The following FRMPD4 variants were observed in gnomAD, a reference collection of about 807,000 sequenced individuals.
The protein encoded by FRMPD4 is FERM and PDZ domain-containing protein 4.
A neutral mutation model predicts 94.1 loss-of-function variants in FRMPD4; 22 were observed. The observed-to-expected ratio is 0.23, with a 90% CI of 0.17 to 0.33. FRMPD4 has a LOEUF of 0.33. FRMPD4 is among the 10% of genes least tolerant of loss of function. The pLI is 1.00. For missense variants in FRMPD4, 1,111 were observed against 1,339.9 expected (o/e 0.83, Z 2.67); for synonymous variants, 631 against 548.6 (o/e 1.15, Z -2.10).
chrX:12,254,598 T>C (rs1490053305), intron 1 of FRMPD4, among the ~76,000 whole-genome samples: 1 of 112,220 alleles, frequency 8.9e-6, no homozygotes, highest in Non-Finnish European at 1.9e-5. Flanking sequence ...ATTGAATTTG[T>C]TCACTAGACT....
At chrX:11,847,458 G>A (rs951978326) in intron 1 of FRMPD4, among the ~76,000 whole-genome samples, 1 of 107,552 alleles carries the variant, frequency 9.3e-6, no homozygotes, top group Non-Finnish European at 1.9e-5. Flanking sequence ...TTCAACCATT[G>A]TGGAAGTCAG....
At chrX:11,951,686 C>T (rs1356676130) in intron 3 of FRMPD4, among the ~76,000 whole-genome samples, 1 of 111,588 alleles carries the variant, frequency 9.0e-6, no homozygotes, top group African/African-American at 3.3e-5. Flanking sequence ...TACAACAAAC[C>T]CCCATGACAC....
intron 4 of FRMPD4, among the ~76,000 whole-genome samples, chrX:12,657,836 T>G (rs1293113224): frequency 8.9e-6 from 1 of 112,690 alleles, no homozygotes; most frequent in Non-Finnish European, 1.9e-5. Context: ...CTGCAGGTTC[T>G]TAAATTTAAG....
intron 3 of FRMPD4, among the ~76,000 whole-genome samples, chrX:11,974,297 G>A (rs1414026807): frequency 1.8e-5 from 2 of 110,574 alleles, no homozygotes; most frequent in African/African-American, 3.3e-5. Context: ...GTTAGTTCCC[G>A]TGAGAGCTGG....
chrX:12,545,142 T>C (rs2058460953), intron 2 of FRMPD4, among the ~76,000 whole-genome samples: 1 of 112,211 alleles, frequency 8.9e-6, no homozygotes, highest in South Asian at 3.7e-4. Context: ...TGCAGAATTT[T>C]GTTGATTCTA....
chrX:12,514,319 G>A (rs2058074326), intron 2 of FRMPD4, among the ~76,000 whole-genome samples: 1 of 111,649 alleles, frequency 9.0e-6, no homozygotes, highest in Non-Finnish European at 1.9e-5. Flanking sequence ...AATGCATCCA[G>A]CTTTGGCCCA....
chrX:12,675,371 A>C (rs1216560822), intron 5 of FRMPD4, among the ~76,000 whole-genome samples: 3 of 105,872 alleles, frequency 2.8e-5, no homozygotes, highest in Non-Finnish European at 1.9e-5. Context: ...GATTTCAGCT[A>C]TCATGGTTAG....
chrX:12,196,832 G>A (rs2056573299), intron 1 of FRMPD4, among the ~76,000 whole-genome samples: 1 of 109,829 alleles, frequency 9.1e-6, no homozygotes, highest in Non-Finnish European at 1.9e-5. Context: ...AAAATCAGCA[G>A]ACATTTGACT....
At chrX:12,333,227 T>G (rs1233508602) in intron 1 of FRMPD4, among the ~76,000 whole-genome samples, 2 of 112,167 alleles carry the variant, frequency 1.8e-5, no homozygotes, top group African/African-American at 6.5e-5. Flanking sequence ...TTTTCAAAAT[T>G]TATTATGGAC....
At chrX:12,374,446 G>T (rs2056205515) in intron 1 of FRMPD4, among the ~76,000 whole-genome samples, 1 of 112,052 alleles carries the variant, frequency 8.9e-6, no homozygotes, top group South Asian at 3.7e-4. Flanking sequence ...GCCCCTCACT[G>T]CCTGGCCAGC....
chrX:11,849,795 C>G (rs981122124), intron 1 of FRMPD4, among the ~76,000 whole-genome samples: 7 of 110,288 alleles, frequency 6.3e-5, no homozygotes, highest in African/African-American at 2.3e-4. Flanking sequence ...GATCAAAAGC[C>G]TAAACATATG....
At chrX:12,377,173 C>T (rs2056250825) in intron 1 of FRMPD4, among the ~76,000 whole-genome samples, 1 of 112,519 alleles carries the variant, frequency 8.9e-6, no homozygotes, top group African/African-American at 3.2e-5. Flanking sequence ...CATATATAGC[C>T]ATGCAAATTT....
At chrX:12,604,640 A>T (rs73446822) in intron 2 of FRMPD4, among the ~76,000 whole-genome samples, 10,206 of 112,188 alleles carry the variant, frequency 0.091, 1,156 homozygotes, top group African/African-American at 0.32. Context: ...TCTCCAGAGA[A>T]GAAAATAACA....
intron 1 of FRMPD4, among the ~76,000 whole-genome samples, chrX:12,313,034 G>A (rs2055059966): frequency 9.0e-6 from 1 of 111,454 alleles, no homozygotes; most frequent in African/African-American, 3.3e-5. Context: ...AAAGAAGGAG[G>A]AAAAACAAGG....
At chrX:12,560,378 G>A (rs892556636) in intron 2 of FRMPD4, among the ~76,000 whole-genome samples, 1 of 108,599 alleles carries the variant, frequency 9.2e-6, no homozygotes, top group African/African-American at 3.4e-5. Flanking sequence ...AGTTGCCTGA[G>A]GGCCTTTATA....
chrX:11,982,003 A>G (rs1343624138), intron 3 of FRMPD4, among the ~76,000 whole-genome samples: 1 of 111,769 alleles, frequency 8.9e-6, no homozygotes, highest in Non-Finnish European at 1.9e-5. Flanking sequence ...TTATGTGCTC[A>G]ATGGTCTATT....
intron 1 of FRMPD4, among the ~76,000 whole-genome samples, chrX:12,339,045 A>G (rs369670884): frequency 5.4e-5 from 6 of 112,130 alleles, no homozygotes; most frequent in African/African-American, 1.9e-4. Context: ...AGCAGGAGGG[A>G]AGGAGCTTGA....
intron 1 of FRMPD4, among the ~76,000 whole-genome samples, chrX:12,183,202 A>G (rs1601670440): frequency 1.8e-5 from 2 of 111,848 alleles, no homozygotes; most frequent in Admixed American, 9.5e-5. Context: ...CGAGATTCAC[A>G]GGGTGCTTTT....
At chrX:12,702,602 C>T (rs2041807422) in intron 10 of FRMPD4, among the ~76,000 whole-genome samples, 1 of 112,381 alleles carries the variant, frequency 8.9e-6, no homozygotes, top group Non-Finnish European at 1.9e-5. Flanking sequence ...TCCAAAGAAA[C>T]TTCTCATGGG....
Sources: gnomAD v4.1 joint callset for allele counts (sites outside exome capture counted in the v4.1 genomes callset) on GRCh38, gnomAD v4.1.1 for gene constraint, MANE v1.5 for transcripts, NCBI Gene and HGNC (gene_info 2026-07-23, HGNC 2026-07-21) for gene names.